The following CPD variants were observed in gnomAD, a reference collection of about 807,000 sequenced individuals.
The protein encoded by CPD is metallocarboxypeptidase D.
A neutral mutation model predicts 138.3 loss-of-function variants in CPD; 69 were observed. That is an observed-to-expected ratio of 0.50 (90% CI 0.41 to 0.61). The LOEUF (loss-of-function observed/expected upper bound fraction) is 0.61, where lower values mean the gene tolerates loss of function less well. Ranked by LOEUF, CPD falls within the 20% of genes least tolerant of loss-of-function variation. CPD has a pLI of 0.00. For synonymous variants in CPD, 651 were observed against 642.1 expected (o/e 1.01, Z -0.21); for missense variants, 1,432 against 1,733.3 (o/e 0.83, Z 3.09).
At chr17:30,410,220 G>C (rs760908566) in intron 2 of CPD, among the ~76,000 whole-genome samples, 6 of 152,206 alleles carry the variant, frequency 3.9e-5, no homozygotes, top group Admixed American at 6.5e-5. Flanking sequence ...TGGCCCGAGA[G>C]ACAGTTTGTT....
At chr17:30,413,829 G>GT (rs1912030659) in intron 2 of CPD, among the ~76,000 whole-genome samples, 1 of 152,206 alleles carries the variant, frequency 6.6e-6, no homozygotes, top group South Asian at 2.1e-4. Context: ...ATGGAGAGAT[G>GT]TAAGTAGCAA....
chr17:30,432,780 G>A (rs571885727), intron 8 of CPD, among the ~76,000 whole-genome samples: 1 of 151,990 alleles, frequency 6.6e-6, no homozygotes, highest in African/African-American at 2.4e-5. Flanking sequence ...TTAGCCGGTT[G>A]TGGTGACATG....
At chr17:30,464,157 G>A (rs912782607) in intron 20 of CPD, among the ~76,000 whole-genome samples, 1 of 152,114 alleles carries the variant, frequency 6.6e-6, no homozygotes. Context: ...TTGGGAGGCC[G>A]AGGCAGGTGG....
chr17:30,424,514 G>A (rs936529623), intron 6 of CPD, among the ~76,000 whole-genome samples: 3 of 152,180 alleles, frequency 2.0e-5, no homozygotes, highest in Non-Finnish European at 2.9e-5. Context: ...CCTATTGAGC[G>A]GGGCCTTAGA....
At chr17:30,428,467 T>C (rs533893102) in intron 7 of CPD, among the ~76,000 whole-genome samples, 1 of 152,102 alleles carries the variant, frequency 6.6e-6, no homozygotes, top group Non-Finnish European at 1.5e-5. Context: ...AATAGATAAA[T>C]AAAATGTGGT....
intron 2 of CPD, among the ~76,000 whole-genome samples, chr17:30,389,206 T>A (rs982868465): frequency 6.6e-6 from 1 of 152,188 alleles, no homozygotes; most frequent in Non-Finnish European, 1.5e-5. Context: ...GCTGTCCGCC[T>A]CCTTCCCGCA....
intron 6 of CPD, 22 bp downstream of exon 6, chr17:30,423,719 T>G (rs1286107833): frequency 1.4e-6 from 2 of 1,465,348 alleles, no homozygotes; most frequent in Non-Finnish European, 1.8e-6. Context: ...CATTTAATTC[T>G]TAATCATTTG....
rs147282967 is a variant in CPD, at chr17:30,432,698, C to T, written c.2127+817C>T. Among the ~76,000 whole-genome samples the T allele has an allele frequency of 3.7e-4, 56 of 152,060 alleles. No homozygotes were observed. The East Asian group carries it at 9.5e-3, about 26-fold the overall frequency. ...AAGGCAGGAGAATTGCTTGAGCTCT[C>T]AGGAGTTTGAGACCAGACTGGGCAA... On this transcript the variant is annotated intron_variant, in intron 8 of 20. Coordinates refer to ENST00000225719, the MANE Select transcript of CPD (RefSeq NM_001304.5).
intron 10 of CPD, among the ~76,000 whole-genome samples, chr17:30,443,062 A>G (rs1912922833): frequency 6.6e-6 from 1 of 152,140 alleles, no homozygotes; most frequent in African/African-American, 2.4e-5. Context: ...AATATACAGA[A>G]AAGTTATGAC....
intron 2 of CPD, among the ~76,000 whole-genome samples, chr17:30,399,598 A>G (rs755250883): frequency 2.6e-5 from 4 of 151,884 alleles, no homozygotes; most frequent in Admixed American, 6.6e-5. Context: ...TCTGAAGTCT[A>G]TTTTACCTGA....
chr17:30,442,305 T>G lies in CPD; in HGVS notation c.2231-3T>G. 1 of 1,610,886 alleles carries G rather than the reference T, an allele frequency of 6.2e-7. No homozygotes were observed. The highest frequency in any genetic ancestry group is 1.1e-5 in the South Asian group (1 of 90,842). ...GTGACTAATTTTAATTTTTATCTTT[T>G]AGGAGGAATGCAGGACTGGAACTAT... On this transcript the variant is annotated splice_region_variant and splice_polypyrimidine_tract_variant and intron_variant, in intron 9 of 20. Transcript: ENST00000225719.
In CPD at chr17:30,452,357, C is replaced by T. The variant is rs1162197035; in HGVS notation, c.3205+511C>T. 3.3e-5 allele frequency among the ~76,000 whole-genome samples: 5 copies of T among 151,216 alleles called. No homozygotes were observed. The East Asian group carries it at 9.7e-4, about 29-fold the overall frequency. ...GCAATGGTACAATCTTGGCTCGCCTCCGCCTCTTGGGTTAAGCAATTATCC... is the reference window on the plus strand; with the variant it reads ...GCAATGGTACAATCTTGGCTCGCCTTCGCCTCTTGGGTTAAGCAATTATCC... On this transcript the variant is annotated intron_variant, in intron 14 of 20. Transcript: ENST00000225719.
intron 20 of CPD, among the ~76,000 whole-genome samples, chr17:30,463,024 C>G (rs1349047515): frequency 2.0e-5 from 3 of 152,216 alleles, no homozygotes; most frequent in African/African-American, 7.2e-5. Flanking sequence ...GTGTTCCTTG[C>G]CTTCATTCCG....
At chr17:30,460,628 A>G (rs1913446086) in intron 17 of CPD, among the ~76,000 whole-genome samples, 1 of 152,236 alleles carries the variant, frequency 6.6e-6, no homozygotes, top group Admixed American at 6.5e-5. Context: ...AGTTAATACC[A>G]TTAACTGAGT....
chr17:30,396,941 G>A (rs1438034477), intron 2 of CPD, among the ~76,000 whole-genome samples: 2 of 151,846 alleles, frequency 1.3e-5, no homozygotes, highest in Non-Finnish European at 2.9e-5. Context: ...TTGCTGTGGA[G>A]GTTCTATCTC....
At chr17:30,420,496 T>C (rs1190859186) in intron 2 of CPD, among the ~76,000 whole-genome samples, 1 of 152,212 alleles carries the variant, frequency 6.6e-6, no homozygotes, top group Non-Finnish European at 1.5e-5. Context: ...AAAGATTAAA[T>C]GCTAATACAC....
chr17:30,407,161 G>A (rs1315929777), intron 2 of CPD, among the ~76,000 whole-genome samples: 1 of 152,066 alleles, frequency 6.6e-6, no homozygotes, highest in African/African-American at 2.4e-5. Context: ...CTTTTTTATG[G>A]CTGCATTGTA....
At position 30,468,562 on chromosome 17, in the gene CPD, T is replaced by C. The variant is rs1362200557; in HGVS notation, c.*3748T>C. 3.9e-5 allele frequency: 6 copies of C among 152,628 alleles called. No individual in the cohort carries two copies. The highest frequency in any genetic ancestry group is 1.4e-4 in the African/African-American group (6 of 41,454). The allele number at this position is 152,628 out of a possible 1,614,324, so 9.5% of individuals were successfully genotyped here. ...TTTTAAAAGGGACTTTAAATGAAGTTGAATAGTAGTTTTTAAAAGTCAATT... is the reference window on the plus strand; with the variant it reads ...TTTTAAAAGGGACTTTAAATGAAGTCGAATAGTAGTTTTTAAAAGTCAATT... On this transcript the variant is annotated 3_prime_UTR_variant, in exon 21 of 21. Coordinates refer to ENST00000225719, the MANE Select transcript of CPD (RefSeq NM_001304.5).
At chr17:30,442,012 T>A (rs111759929) in intron 9 of CPD, among the ~76,000 whole-genome samples, 1 of 151,922 alleles carries the variant, frequency 6.6e-6, no homozygotes, top group African/African-American at 2.4e-5. Context: ...GTACCTCTGG[T>A]AGAATTCGGC....
Sources: gnomAD v4.1 joint callset for allele counts (sites outside exome capture counted in the v4.1 genomes callset) on GRCh38, gnomAD v4.1.1 for gene constraint, MANE v1.5 for transcripts, NCBI Gene and HGNC (gene_info 2026-07-23, HGNC 2026-07-21) for gene names.